Variants in CAMKMT observed in about 807,000 individuals in gnomAD.
CAMKMT encodes the protein calmodulin-lysine N-methyltransferase.
Under a neutral mutation model 48.0 loss-of-function variants are expected in CAMKMT, and 53 were observed. The ratio of observed to expected loss-of-function variants is 1.10; its 90% CI spans 0.89 to 1.39. The LOEUF (loss-of-function observed/expected upper bound fraction) is 1.39, where lower values mean the gene tolerates loss of function less well. Among genes scored for constraint, CAMKMT ranks in the 40% most tolerant of loss-of-function variants. The probability of loss-of-function intolerance (pLI) is 0.00; values close to 1 mark genes in which losing one functional copy is unlikely to be tolerated. For synonymous variants in CAMKMT, 165 were observed against 152.3 expected (o/e 1.08, Z -0.61); for missense variants, 428 against 402.7 (o/e 1.06, Z -0.54).
chr2:44,706,657 C>G (rs966368815), intron 5 of CAMKMT, among the ~76,000 whole-genome samples: 3 of 146,676 alleles, frequency 2.0e-5, no homozygotes, highest in Non-Finnish European at 4.5e-5. Context: ...TGCTAAGATA[C>G]AGGAATAGCC....
intron 3 of CAMKMT, among the ~76,000 whole-genome samples, chr2:44,668,643 G>C (rs1360413807): frequency 6.6e-6 from 1 of 151,966 alleles, no homozygotes; most frequent in Non-Finnish European, 1.5e-5. Flanking sequence ...ACACATACAA[G>C]ACAGCATATA....
In CAMKMT at chr2:44,743,612, T is replaced by C. The variant is rs79814383; in HGVS notation, c.624-10T>C. 7.5e-6 allele frequency: 12 copies of C among 1,598,988 alleles called. No individual in the cohort carries two copies. Among genetic ancestry groups the C allele is most frequent in the Non-Finnish European group, 1.0e-5 (12 of 1,173,660 alleles). ...CTATGTATAATTTTTAAAATCTTTT[T>C]CTCCTCAAGCGTTTTACGATGGGAT... On this transcript the variant is annotated splice_polypyrimidine_tract_variant and intron_variant, in intron 7 of 10. Transcript: ENST00000378494.
At chr2:44,518,550 T>G (rs1235416786) in intron 3 of CAMKMT, among the ~76,000 whole-genome samples, 1 of 152,206 alleles carries the variant, frequency 6.6e-6, no homozygotes, top group African/African-American at 2.4e-5. Flanking sequence ...GTCAACTCAA[T>G]TAAATTATTT....
intron 3 of CAMKMT, among the ~76,000 whole-genome samples, chr2:44,569,653 G>A (rs1182146340): frequency 2.6e-5 from 4 of 152,138 alleles, no homozygotes; most frequent in Non-Finnish European, 5.9e-5. Context: ...ATGATAGATG[G>A]AAGTTAGAAT....
chr2:44,534,475 A>G (rs958614508), intron 3 of CAMKMT, among the ~76,000 whole-genome samples: 2 of 152,190 alleles, frequency 1.3e-5, no homozygotes, highest in East Asian at 1.9e-4. Context: ...AGGATAGAAC[A>G]TATGTTAGGC....
At chr2:44,708,211 A>ATTTTTTTTTTTTTTTTTTT (rs59281575) in intron 6 of CAMKMT, among the ~76,000 whole-genome samples, 2 of 68,194 alleles carry the variant, frequency 2.9e-5, no homozygotes, top group Middle Eastern at 0.019. Flanking sequence ...TTTGCTTTGG[A>ATTTTTTTTTTTTTTTTTTT]TTTTTTTTTT....
chr2:44,603,300 A>T (rs896459498), intron 3 of CAMKMT, among the ~76,000 whole-genome samples: 4 of 152,078 alleles, frequency 2.6e-5, no homozygotes, highest in African/African-American at 9.7e-5. Context: ...CATGTTGGCC[A>T]GGCTGGTCTT....
chr2:44,704,700 A>AAG (rs397970414), intron 4 of CAMKMT, among the ~76,000 whole-genome samples: 2 of 149,388 alleles, frequency 1.3e-5, no homozygotes, highest in African/African-American at 4.9e-5. Context: ...AAAAAAAAAA[A>AAG]CCAATAAAGA....
chr2:44,634,265 C>G (rs903714918), intron 3 of CAMKMT, among the ~76,000 whole-genome samples: 1 of 151,818 alleles, frequency 6.6e-6, no homozygotes, highest in Non-Finnish European at 1.5e-5. Context: ...CCTCAGCCTC[C>G]CCTAATTTCA....
chr2:44,549,764 C>T, intron 3 of CAMKMT: 1 of 459,114 alleles, frequency 2.2e-6, no homozygotes, highest in Non-Finnish European at 3.8e-6. Flanking sequence ...TGTCTGTAAA[C>T]TCCACTCCCT....
At position 44,607,857 on chromosome 2, in the gene CAMKMT, C is replaced by T. The variant is rs551248403; in HGVS notation, c.377-96426C>T. On this transcript the variant is annotated intron_variant, in intron 3 of 10. Coordinates refer to ENST00000378494, the MANE Select transcript of CAMKMT (RefSeq NM_024766.5). ...AAAACTTTTTATTATGAAATGTAAA[C>T]GATTCAAAAAAGTAAAGAAAATAGT... Among the ~76,000 whole-genome samples the T allele has an allele frequency of 1.2e-3, 175 of 151,736 alleles. 1 individual carries two copies. The highest frequency in any genetic ancestry group is 3.0e-3 in the Admixed American group (45 of 15,242).
intron 3 of CAMKMT, among the ~76,000 whole-genome samples, chr2:44,685,815 A>G (rs1676303671): frequency 6.6e-6 from 1 of 152,170 alleles, no homozygotes; most frequent in South Asian, 2.1e-4. Context: ...TAGAAATAAT[A>G]TTCTGCCCAT....
chr2:44,363,991 G>A (rs1246819735), intron 1 of CAMKMT, among the ~76,000 whole-genome samples: 1 of 144,090 alleles, frequency 6.9e-6, no homozygotes, highest in Admixed American at 7.0e-5. Context: ...TGCCTGCCAC[G>A]CCCACCGCCC....
intron 8 of CAMKMT, among the ~76,000 whole-genome samples, chr2:44,745,701 C>G (rs1323931338): frequency 1.3e-5 from 2 of 151,948 alleles, no homozygotes; most frequent in African/African-American, 4.8e-5. Context: ...TATACTTTCC[C>G]ATTTGTAAAT....
chr2:44,490,234 A>G (rs1214726110), intron 3 of CAMKMT, among the ~76,000 whole-genome samples: 1 of 152,088 alleles, frequency 6.6e-6, no homozygotes, highest in Non-Finnish European at 1.5e-5. Context: ...ATTTTCAATA[A>G]TAGCTCATTT....
intron 3 of CAMKMT, chr2:44,393,229 A>G (rs537728532): frequency 6.6e-6 from 1 of 152,196 alleles, no homozygotes; most frequent in Admixed American, 6.5e-5. Context: ...ATAAACCTCT[A>G]GATAACTTAT....
intron 3 of CAMKMT, among the ~76,000 whole-genome samples, chr2:44,507,468 C>T (rs1670320526): frequency 6.6e-6 from 1 of 152,068 alleles, no homozygotes; most frequent in Non-Finnish European, 1.5e-5. Context: ...TTCATGGTGG[C>T]CTACTTCTAA....
chr2:44,667,924 G>T (rs1466820216), intron 3 of CAMKMT, among the ~76,000 whole-genome samples: 1 of 152,148 alleles, frequency 6.6e-6, no homozygotes, highest in Non-Finnish European at 1.5e-5. Flanking sequence ...CCCATGACTA[G>T]GTATTTCATC....
chr2:44,423,635 A>G (rs535795563), intron 3 of CAMKMT, among the ~76,000 whole-genome samples: 65 of 152,294 alleles, frequency 4.3e-4, no homozygotes, highest in Admixed American at 8.5e-4. Context: ...CATCTTCCTC[A>G]TGGACTATGA....
Sources: gnomAD v4.1 joint callset for allele counts (sites outside exome capture counted in the v4.1 genomes callset) on GRCh38, gnomAD v4.1.1 for gene constraint, MANE v1.5 for transcripts, NCBI Gene and HGNC (gene_info 2026-07-23, HGNC 2026-07-21) for gene names.